The following CRYBA1 variants were observed in gnomAD, a reference collection of about 807,000 sequenced individuals.
CRYBA1 encodes beta-crystallin A3.
CRYBA1 carries 25 observed loss-of-function variants against 36.2 expected under a neutral mutation model. That is an observed-to-expected ratio of 0.69 (90% CI 0.50 to 0.97). CRYBA1 has a LOEUF of 0.97. Ranked by LOEUF, CRYBA1 falls within the 50% of genes least tolerant of loss-of-function variation. The probability of loss-of-function intolerance (pLI) is 0.00; values close to 1 mark genes in which losing one functional copy is unlikely to be tolerated. For synonymous variants in CRYBA1, 111 were observed against 90.0 expected (o/e 1.23, Z -1.32); for missense variants, 224 against 276.3 (o/e 0.81, Z 1.34).
intron 4 of CRYBA1, among the ~76,000 whole-genome samples, chr17:29,253,290 C>T (rs2068947164): frequency 6.6e-6 from 1 of 152,214 alleles, no homozygotes; most frequent in Admixed American, 6.5e-5. Context: ...CAAGCGCACA[C>T]ATACATATTT....
At chr17:29,253,857 G>A in intron 5 of CRYBA1, 75 bp downstream of exon 5, 2 of 1,526,112 alleles carry the variant, frequency 1.3e-6, no homozygotes, top group Non-Finnish European at 1.8e-6. Context: ...GTTTTAATCA[G>A]ATTTCATACG....
intron 1 of CRYBA1, 127 bp from the exon 2 acceptor site, chr17:29,249,015 C>T (rs1490050748): frequency 1.4e-6 from 1 of 729,472 alleles, no homozygotes; most frequent in Non-Finnish European, 2.5e-6. Context: ...AGCTAGTGAG[C>T]AGCAGAGCCA....
At chr17:29,250,521 G>A (rs1383700468) in intron 3 of CRYBA1, among the ~76,000 whole-genome samples, 2 of 152,116 alleles carry the variant, frequency 1.3e-5, no homozygotes, top group African/African-American at 2.4e-5. Flanking sequence ...TCAGGGGCTG[G>A]ATAAAGAAAT....
rs146956414 is a variant in CRYBA1, at chr17:29,249,147, C to T, written c.37C>T (p.Leu13Phe). 46 of 1,611,920 alleles carry T rather than the reference C, an allele frequency of 2.9e-5. No individual in the cohort carries two copies. The highest frequency in any genetic ancestry group is 8.0e-5 in the African/African-American group (6 of 74,870). ...GTGTGTGCTCTGTCTTCCAGAAACC[C>T]TTCCAACCACCAAGATGGCTCAGAC... ...TQAEQQELET[L>F]PTTKMAQTNP... Residue 13 changes from leucine to phenylalanine, a missense_variant, in exon 2 of 6, where the codon CTT (leucine) becomes TTT (phenylalanine). Physicochemically the swap from Leu to Phe is conservative, Grantham distance 22. Transcript: ENST00000225387.
chr17:29,250,136 T>A (rs781052352), intron 2 of CRYBA1, 46 bp from the exon 3 acceptor site: 2 of 1,104,190 alleles, frequency 1.8e-6, no homozygotes, highest in Non-Finnish European at 2.8e-6. Context: ...GGACCTCTGT[T>A]TTTCCTGATG....
intron 1 of CRYBA1, among the ~76,000 whole-genome samples, chr17:29,247,772 A>G (rs1299812874): frequency 6.6e-6 from 1 of 152,236 alleles, no homozygotes; most frequent in East Asian, 1.9e-4. Context: ...AAGGCAGGAA[A>G]GCCTCTGAGA....
At chr17:29,253,922 T>C (rs780917134) in intron 5 of CRYBA1, 140 bp downstream of exon 5, 5 of 1,194,264 alleles carry the variant, frequency 4.2e-6, no homozygotes, top group Non-Finnish European at 6.0e-6. Context: ...TCAATTTCTT[T>C]ATACCAACTA....
At chr17:29,249,324 G>C in intron 2 of CRYBA1, 118 bp downstream of exon 2, 1 of 724,650 alleles carries the variant, frequency 1.4e-6, no homozygotes, top group Non-Finnish European at 2.5e-6. Context: ...GTTTGTAGGG[G>C]AAAGGTCCAC....
intron 4 of CRYBA1, among the ~76,000 whole-genome samples, chr17:29,253,435 A>G (rs536568220): frequency 9.2e-5 from 14 of 152,340 alleles, no homozygotes; most frequent in Non-Finnish European, 2.1e-4. Context: ...TATATCAGTT[A>G]TTTGTACATT....
intron 1 of CRYBA1, among the ~76,000 whole-genome samples, chr17:29,248,298 C>T (rs779187685): frequency 5.5e-4 from 84 of 151,818 alleles, no homozygotes; most frequent in Non-Finnish European, 9.6e-4. Flanking sequence ...ATGCTGTCAC[C>T]TGAAAGCAAG....
Position 29,247,604 on chromosome 17 carries a change from C to T in CRYBA1, c.31+710C>T, listed in dbSNP as rs543858393. 2.1e-4 allele frequency among the ~76,000 whole-genome samples: 32 copies of T among 152,344 alleles called. No individual in the cohort carries two copies. In the South Asian group the frequency reaches 6.0e-3, roughly 29 times the overall value. ...GTCTTTTTCAATGTCCCCCTGATCC[C>T]TCATCTCCACATGTGCTCAGCACGA... On this transcript the variant is annotated intron_variant, in intron 1 of 5. Coordinates refer to ENST00000225387, the MANE Select transcript of CRYBA1 (RefSeq NM_005208.5).
intron 4 of CRYBA1, 22 bp from the exon 5 acceptor site, chr17:29,253,618 T>C: frequency 6.2e-7 from 1 of 1,605,402 alleles, no homozygotes; most frequent in Non-Finnish European, 8.5e-7. Context: ...CTAAACATTT[T>C]AAAACAATTT....
At chr17:29,249,399 C>T (rs531848572) in intron 2 of CRYBA1, among the ~76,000 whole-genome samples, 193 bp downstream of exon 2, 14 of 152,342 alleles carry the variant, frequency 9.2e-5, no homozygotes, top group African/African-American at 3.4e-4. Context: ...GGAAGGATGA[C>T]TGTGGATGCC....
intron 1 of CRYBA1, 69 bp downstream of exon 1, chr17:29,246,963 G>A: frequency 6.6e-7 from 1 of 1,508,894 alleles, no homozygotes; most frequent in Middle Eastern, 2.2e-4. Flanking sequence ...CCAGGAGAGG[G>A]CCCAGTTCTC....
chr17:29,254,145 G>T, intron 5 of CRYBA1, 57 bp from the exon 6 acceptor site: 2 of 1,586,612 alleles, frequency 1.3e-6, no homozygotes, highest in Non-Finnish European at 8.6e-7. Context: ...CAGGTTTTGG[G>T]GTATTAACCA....
At chr17:29,251,324 C>T (rs2068934192) in intron 3 of CRYBA1, among the ~76,000 whole-genome samples, 1 of 152,006 alleles carries the variant, frequency 6.6e-6, no homozygotes, top group Admixed American at 6.6e-5. Flanking sequence ...GACCTAACAA[C>T]AACAAAAACA....
At chr17:29,247,707 G>C (rs1598424118) in intron 1 of CRYBA1, among the ~76,000 whole-genome samples, 1 of 152,234 alleles carries the variant, frequency 6.6e-6, no homozygotes, top group Non-Finnish European at 1.5e-5. Context: ...ACACAGATTG[G>C]TACTGTGATG....
intron 1 of CRYBA1, 62 bp from the exon 2 acceptor site, chr17:29,249,080 C>A: frequency 9.4e-7 from 1 of 1,058,558 alleles, no homozygotes; most frequent in Admixed American, 1.7e-5. Flanking sequence ...CCTTTCAAGG[C>A]ATTCCCTCAC....
At chr17:29,248,090 T>C (rs926119427) in intron 1 of CRYBA1, among the ~76,000 whole-genome samples, 13 of 149,426 alleles carry the variant, frequency 8.7e-5, no homozygotes, top group African/African-American at 3.2e-4. Context: ...CACTCCAGCC[T>C]GGGCAACAAG....
Sources: allele counts gnomAD v4.1 joint callset (sites outside exome capture counted in the v4.1 genomes callset), GRCh38; gene constraint gnomAD v4.1.1; transcripts MANE v1.5; gene names NCBI Gene and HGNC (gene_info 2026-07-23, HGNC 2026-07-21).